Variants in SLIT2 observed in about 807,000 individuals in gnomAD.
SLIT2 encodes the protein slit guidance ligand 2, also known as slit homolog 2 protein.
A neutral mutation model predicts 185.7 loss-of-function variants in SLIT2; 41 were observed. The ratio of observed to expected loss-of-function variants is 0.22; its 90% confidence interval spans 0.17 to 0.29. The LOEUF (loss-of-function observed/expected upper bound fraction) is 0.29. Ranked by LOEUF, SLIT2 falls within the 10% of genes least tolerant of loss-of-function variation. The pLI is 1.00. For synonymous variants in SLIT2, 693 were observed against 680.2 expected, an observed-to-expected ratio of 1.02 and a Z score of -0.29; for missense variants, 1,571 against 1,909.0, an observed-to-expected ratio of 0.82 and a Z score of 3.30.
At position 20,265,886 on chromosome 4, in the gene SLIT2, A is replaced by C. The variant is rs17534960; in HGVS notation, c.324-2924A>C. On this transcript the variant is annotated intron_variant, in intron 3 of 36. Coordinates refer to ENST00000504154, the MANE Select transcript of SLIT2 (RefSeq NM_004787.4). Reference sequence around the variant, plus strand: ...TCTGAATTATTGTTTAGGAATGTTTAGACTATATTTTTTCCAGAGGAGTGA... The same window carrying C: ...TCTGAATTATTGTTTAGGAATGTTTCGACTATATTTTTTCCAGAGGAGTGA... Among the ~76,000 whole-genome samples, 1,383 of 152,034 alleles carry C rather than the reference A, an allele frequency of 9.1e-3. 9 individuals carry two copies. Among genetic ancestry groups the C allele is most frequent in the Non-Finnish European group, 0.014 (955 of 67,902 alleles).
intron 4 of SLIT2, among the ~76,000 whole-genome samples, chr4:20,271,914 G>C (rs1177603520): frequency 1.3e-5 from 2 of 152,028 alleles, no homozygotes; most frequent in Non-Finnish European, 2.9e-5. Flanking sequence ...CAATATAAAA[G>C]AAAAGGAGGG....
At chr4:20,594,385 G>T (rs1262613729) in intron 30 of SLIT2, among the ~76,000 whole-genome samples, 1 of 151,634 alleles carries the variant, frequency 6.6e-6, no homozygotes, top group Admixed American at 6.6e-5. Flanking sequence ...ATGTATATAT[G>T]TATGTGTATG....
intron 4 of SLIT2, among the ~76,000 whole-genome samples, chr4:20,389,113 A>G (rs964650873): frequency 2.7e-5 from 4 of 150,830 alleles, no homozygotes; most frequent in Non-Finnish European, 5.9e-5. Flanking sequence ...GTGGGTAGAC[A>G]TTACTATTTA....
Position 20,525,135 on chromosome 4 carries a change from CTTTT to C in SLIT2, c.1439-10_1439-7del. On this transcript the variant is annotated splice_polypyrimidine_tract_variant and intron_variant, in intron 14 of 36. Transcript: ENST00000504154. ...CAGGTGCATCTTCTATTTTTTGTCTCTTTTTTTATTTAGCTAAAGAACAGTATTT... is the reference window on the plus strand; with the variant it reads ...CAGGTGCATCTTCTATTTTTTGTCTCTTTATTTAGCTAAAGAACAGTATTT... 6.2e-7 allele frequency: 1 copy of C among 1,603,150 alleles called. No individual in the cohort carries two copies. The highest frequency in any genetic ancestry group is 8.5e-7 in the Non-Finnish European group (1 of 1,170,508).
chr4:20,612,002 C>T (rs975987703), intron 34 of SLIT2, among the ~76,000 whole-genome samples: 4 of 152,160 alleles, frequency 2.6e-5, no homozygotes, highest in Admixed American at 2.0e-4. Flanking sequence ...TTTTCGTTCA[C>T]TTGATTTTAT....
intron 9 of SLIT2, among the ~76,000 whole-genome samples, chr4:20,493,899 C>T (rs1226093467): frequency 6.6e-6 from 1 of 152,154 alleles, no homozygotes; most frequent in Non-Finnish European, 1.5e-5. Context: ...AGAATTAATG[C>T]AACATCATGA....
chr4:20,472,614 ATATATC>A (rs1577728177), intron 5 of SLIT2, among the ~76,000 whole-genome samples: 3 of 109,014 alleles, frequency 2.8e-5, no homozygotes, highest in East Asian at 2.5e-4. Context: ...ATATATCTAT[ATATATC>A]GATATATCTA....
intron 4 of SLIT2, among the ~76,000 whole-genome samples, chr4:20,338,103 T>A (rs1326351641): frequency 6.6e-6 from 1 of 152,190 alleles, no homozygotes; most frequent in East Asian, 1.9e-4. Context: ...AGTAAAGATT[T>A]TTTTGGTATA....
intron 4 of SLIT2, among the ~76,000 whole-genome samples, chr4:20,320,276 A>G (rs1197988903): frequency 6.6e-6 from 1 of 152,174 alleles, no homozygotes; most frequent in South Asian, 2.1e-4. Flanking sequence ...TGGTCTTAAC[A>G]GCGCACGTCA....
At position 20,254,029 on chromosome 4, in the gene SLIT2, T is replaced by G; in HGVS notation, c.179+35T>G. 1 of 1,580,694 alleles carries G rather than the reference T, an allele frequency of 6.3e-7. No homozygotes were observed. Among genetic ancestry groups the G allele is most frequent in the Non-Finnish European group, 8.6e-7 (1 of 1,165,924 alleles). Reference sequence around the variant, plus strand: ...CGCTCTTCGTCTTCCCCTCTCCCCATCCGGGCCGCGCACCCCTGCCTCCAC... The same window carrying G: ...CGCTCTTCGTCTTCCCCTCTCCCCAGCCGGGCCGCGCACCCCTGCCTCCAC... On this transcript the variant is annotated intron_variant, in intron 1 of 36. Transcript: ENST00000504154. The surrounding 1 kb of genome is among the most constrained non-coding windows in gnomAD (Gnocchi z 5.1).
chr4:20,491,763 C>T lies in SLIT2; in HGVS notation c.778C>T (p.His260Tyr), dbSNP rs778515434. 2.5e-6 allele frequency: 4 copies of T among 1,607,864 alleles called. No individual in the cohort carries two copies. In the Admixed American group the frequency reaches 5.1e-5, roughly 20 times the overall value. Residue 260 changes from histidine to tyrosine, a missense_variant and splice_region_variant, in exon 9 of 37, where the codon CAC (histidine) becomes TAC (tyrosine). By Grantham distance (83) the His-to-Tyr change is moderately conservative. This residue lies in a region of SLIT2 where 1,202 missense variants were observed against 1,416.4 expected (regional missense o/e 0.85). Transcript: ENST00000504154. ...ATTCCTGTTTATTTCTTTTTTAGGTCACCAGTCATTTATGGCTCCTTCTTG... is the reference window on the plus strand; with the variant it reads ...ATTCCTGTTTATTTCTTTTTTAGGTTACCAGTCATTTATGGCTCCTTCTTG... ...VQKREFVCSG[H>Y]QSFMAPSCSV... is the part of the protein sequence containing the mutation.
At chr4:20,258,052 A>G (rs901142882) in intron 3 of SLIT2, 113 bp downstream of exon 3, 3 of 581,554 alleles carry the variant, frequency 5.2e-6, no homozygotes, top group Admixed American at 6.0e-5. Flanking sequence ...ATTTTGCAGA[A>G]AAAGGAGGAT....
At chr4:20,588,514 A>G (rs944794877) in intron 29 of SLIT2, among the ~76,000 whole-genome samples, 3 of 152,206 alleles carry the variant, frequency 2.0e-5, no homozygotes, top group African/African-American at 7.2e-5. Context: ...ACAGCTGCCT[A>G]TAGATGTGTC....
At chr4:20,386,793 A>G (rs1037163682) in intron 4 of SLIT2, among the ~76,000 whole-genome samples, 3 of 152,362 alleles carry the variant, frequency 2.0e-5, no homozygotes, top group African/African-American at 7.2e-5. Context: ...TATGTGATGC[A>G]TGATGACCTC....
chr4:20,598,145 T>C (rs1236979490), intron 32 of SLIT2, 120 bp from the exon 33 acceptor site: 1 of 843,550 alleles, frequency 1.2e-6, no homozygotes, highest in Non-Finnish European at 1.8e-6. Flanking sequence ...CGTTTTCTCA[T>C]AGCCATCAGG....
chr4:20,463,184 A>C (rs922239711), intron 4 of SLIT2, among the ~76,000 whole-genome samples: 3 of 151,866 alleles, frequency 2.0e-5, no homozygotes, highest in Non-Finnish European at 4.4e-5. Context: ...CAGTGTTCTC[A>C]ATTGCTCTGA....
intron 9 of SLIT2, among the ~76,000 whole-genome samples, chr4:20,509,015 CGTGTGTGTGT>C (rs1560485601): frequency 6.6e-6 from 1 of 150,744 alleles, no homozygotes; most frequent in Non-Finnish European, 1.5e-5. Context: ...AAATGTTACG[CGTGTGTGTGT>C]GCATGTGTGT....
chr4:20,313,070 C>G (rs1718266480), intron 4 of SLIT2, among the ~76,000 whole-genome samples: 1 of 152,168 alleles, frequency 6.6e-6, no homozygotes, highest in Non-Finnish European at 1.5e-5. Flanking sequence ...TGGTAGATCG[C>G]ATTCTACTGT....
intron 4 of SLIT2, among the ~76,000 whole-genome samples, chr4:20,347,505 G>GTATTTA (rs1162278263): frequency 6.6e-6 from 1 of 152,078 alleles, no homozygotes; most frequent in African/African-American, 2.4e-5. Flanking sequence ...GTAGGCACTG[G>GTATTTA]GTGACAGGCA....
Sources: allele counts gnomAD v4.1 joint callset (sites outside exome capture counted in the v4.1 genomes callset), GRCh38; gene constraint gnomAD v4.1.1; regional missense constraint gnomAD v4.1.1; non-coding constraint Gnocchi (gnomAD v3.1); transcripts MANE v1.5; gene names NCBI Gene and HGNC (gene_info 2026-07-23, HGNC 2026-07-21).